The following CROCC2 variants were observed in gnomAD, a reference collection of about 807,000 sequenced individuals.
CROCC2 encodes ciliary rootlet coiled-coil, rootletin family member 2, also known as ciliary rootlet coiled-coil protein 2.
A neutral mutation model predicts 177.6 loss-of-function variants in CROCC2; 163 were observed. That is an observed-to-expected ratio of 0.92 (90% CI 0.81 to 1.05). The LOEUF (loss-of-function observed/expected upper bound fraction) is 1.05. Among genes scored for constraint, CROCC2 ranks in the 50% least tolerant of loss-of-function variants. The probability of loss-of-function intolerance (pLI) is 0.00; values close to 1 mark genes in which losing one functional copy is unlikely to be tolerated. For missense variants in CROCC2, 1,929 were observed against 1,797.8 expected, an observed-to-expected ratio of 1.07 and a Z score of -1.32; for synonymous variants, 904 against 787.3, an observed-to-expected ratio of 1.15 and a Z score of -2.48.
Position 240,930,166 on chromosome 2 carries a change from A to T in CROCC2, c.646A>T (p.Thr216Ser). Residue 216 changes from threonine to serine, a missense_variant and splice_region_variant, in exon 6 of 32, where the codon ACC (threonine) becomes TCC (serine). By Grantham distance (58) the Thr-to-Ser change is moderately conservative. Transcript: ENST00000690015. The part of the protein sequence containing the change: ...LELRRWAQRQ[T>S]RSGGLGQPRD... ...TAGACAGGAGGCCTCTTGCTTTCAG[A>T]CCCGGTCAGGGGGCCTGGGGCAGCC... The T allele has an allele frequency of 1.8e-6, 1 of 543,040 alleles. No homozygotes were observed. Among genetic ancestry groups the T allele is most frequent in the South Asian group, 2.8e-5 (1 of 35,896 alleles). The allele number at this position is 543,040 out of a possible 1,614,324, so 33.6% of individuals were successfully genotyped here. A position where few individuals can be genotyped will look rare whatever the true frequency, so the allele number is the denominator to read the frequency against.
chr2:240,914,912 AC>A (rs1197251694), intron 1 of CROCC2, among the ~76,000 whole-genome samples: 2 of 152,118 alleles, frequency 1.3e-5, no homozygotes, highest in Admixed American at 1.3e-4. Context: ...AAGTCTTCTG[AC>A]CCCTGACAGC....
At chr2:240,959,603 A>G in intron 20 of CROCC2, 159 bp downstream of exon 20, 1 of 969,302 alleles carries the variant, frequency 1.0e-6, no homozygotes, top group Non-Finnish European at 1.5e-6. Context: ...GCAAACAGCC[A>G]TAGGGGCATG....
At chr2:240,986,164 G>A in intron 28 of CROCC2, 2 of 343,428 alleles carry the variant, frequency 5.8e-6, no homozygotes, top group South Asian at 4.3e-5. Flanking sequence ...TGAGTGGAGA[G>A]GGTGGTGCAT....
At chr2:240,907,201 C>T (rs534912502) in intron 1 of CROCC2, among the ~76,000 whole-genome samples, 1 of 152,186 alleles carries the variant, frequency 6.6e-6, no homozygotes, top group East Asian at 2.0e-4. Context: ...GTGGCTCAGC[C>T]CTAGTGTCTA....
At chr2:240,911,884 T>C (rs1035203165) in intron 1 of CROCC2, among the ~76,000 whole-genome samples, 1 of 152,204 alleles carries the variant, frequency 6.6e-6, no homozygotes, top group African/African-American at 2.4e-5. Context: ...TGTTTATTCA[T>C]TCATCTCTGA....
chr2:240,933,452 G>C (rs1409955566), intron 10 of CROCC2, 110 bp downstream of exon 10: 2 of 1,236,412 alleles, frequency 1.6e-6, no homozygotes, highest in Non-Finnish European at 2.2e-6. Context: ...TGCCAGCCGG[G>C]GAGGGGTCCT....
Position 240,934,395 on chromosome 2 carries a change from C to T in CROCC2, c.1711C>T (p.Arg571Trp), listed in dbSNP as rs749120521. ...GCTCAGAGAGGAGCTGGCATCGGTC[C>T]GGGAGGCACTGAGCACAGCACAGCT... Reference protein sequence around the residue: ...SGLREELASVREALSTAQLQR... With the variant: ...SGLREELASVWEALSTAQLQR... The change falls in exon 12 of 32, where the codon CGG becomes TGG. Residue 571 changes from arginine to tryptophan, a missense_variant. By Grantham distance (101) the Arg-to-Trp change is moderately radical. Transcript: ENST00000690015. 36 of 1,548,636 alleles carry T rather than the reference C, an allele frequency of 2.3e-5. No individual in the cohort carries two copies. Among genetic ancestry groups the T allele is most frequent in the Non-Finnish European group, 2.8e-5 (32 of 1,146,912 alleles).
Position 240,934,978 on chromosome 2 carries a change from G to A in CROCC2, c.1854G>A (p.Glu618=). ...LVRRLKSEGV[E]QRDSLAAMAA... is the part of the protein sequence containing the mutation. ...GGCGGCTGAAGTCGGAGGGAGTGGA[G>A]CAAAGGGACTCCCTGGCCGCAATGG... The change falls in exon 13 of 32, where the codon GAG becomes GAA. Residue 618 remains glutamate, a synonymous_variant. Coordinates refer to ENST00000690015, the MANE Select transcript of CROCC2 (RefSeq NM_001351305.2). The A allele has an allele frequency of 6.7e-7, 1 of 1,489,112 alleles. No individual in the cohort carries two copies. The allele number at this position is 1,489,112 out of a possible 1,614,324, so 92.2% of individuals were successfully genotyped here.
intron 27 of CROCC2, among the ~76,000 whole-genome samples, chr2:240,980,976 A>G (rs2059793945): frequency 1.1e-5 from 1 of 89,108 alleles, no homozygotes; most frequent in Non-Finnish European, 2.0e-5. Flanking sequence ...GCTCTGGGGT[A>G]GGAGCCTCAG....
chr2:240,961,268 C>A (rs2059631205), intron 20 of CROCC2, among the ~76,000 whole-genome samples: 1 of 152,016 alleles, frequency 6.6e-6, no homozygotes, highest in African/African-American at 2.4e-5. Flanking sequence ...CGCAGTGAGA[C>A]CACACACACC....
At chr2:240,988,415 T>G (rs1180960154) in intron 28 of CROCC2, among the ~76,000 whole-genome samples, 2 of 151,668 alleles carry the variant, frequency 1.3e-5, no homozygotes, top group Non-Finnish European at 2.9e-5. Context: ...TGAGAAGGGG[T>G]TTGCGGGGTA....
chr2:240,916,923 G>C (rs147961545), intron 1 of CROCC2, among the ~76,000 whole-genome samples: 6 of 152,318 alleles, frequency 3.9e-5, no homozygotes, highest in African/African-American at 1.4e-4. Flanking sequence ...GAATGGCTGA[G>C]CCCCTTCCAG....
rs952903802 is a variant in CROCC2 at position 240,950,332 on chromosome 2, A to G, written c.2653-2A>G. 3 of 1,549,118 alleles carry G rather than the reference A, an allele frequency of 1.9e-6. No individual in the cohort carries two copies. The highest frequency in any genetic ancestry group is 2.6e-6 in the Non-Finnish European group (3 of 1,146,446). On this transcript the variant is annotated splice_acceptor_variant, in intron 17 of 31. Transcript: ENST00000690015. LOFTEE classifies it high-confidence loss of function. ...ACAGCCCATCCCTTTACCTTGGCCCAGGAGACCCTGAGCCTGACCCTGGCA... is the reference window on the plus strand; with the variant it reads ...ACAGCCCATCCCTTTACCTTGGCCCGGGAGACCCTGAGCCTGACCCTGGCA...
At chr2:240,927,295 C>T (rs1030201243) in intron 5 of CROCC2, among the ~76,000 whole-genome samples, 5 of 151,862 alleles carry the variant, frequency 3.3e-5, no homozygotes, top group Admixed American at 6.6e-5. Flanking sequence ...TTGTTTATCC[C>T]GCTTTAGGGT....
rs1229216815 is a variant in CROCC2 at position 240,933,291 on chromosome 2, C to T, written c.1412C>T (p.Ala471Val). ...EREALRGQLEAQRLEVQQCRA... is the reference protein window; with the variant it reads ...EREALRGQLEVQRLEVQQCRA... ...GAGGCTCTTCGGGGCCAGCTGGAGGCCCAGAGGCTCGAGGTGCAGCAGTGC... is the reference window on the plus strand; with the variant it reads ...GAGGCTCTTCGGGGCCAGCTGGAGGTCCAGAGGCTCGAGGTGCAGCAGTGC... Residue 471 changes from alanine (A) to valine (V), a missense_variant, in exon 10 of 32, where the codon GCC becomes GTC. Ala to Val is a moderately conservative substitution (Grantham distance 64). Transcript: ENST00000690015. The T allele has an allele frequency of 5.8e-6, 9 of 1,544,734 alleles. No individual in the cohort carries two copies. Among genetic ancestry groups the T allele is most frequent in the Non-Finnish European group, 7.9e-6 (9 of 1,145,796 alleles).
At chr2:240,914,861 G>C (rs1480744863) in intron 1 of CROCC2, among the ~76,000 whole-genome samples, 1 of 152,212 alleles carries the variant, frequency 6.6e-6, no homozygotes, top group African/African-American at 2.4e-5. Context: ...GACCGTCCCT[G>C]CTTCAGATGG....
At chr2:240,938,476 T>C (rs967173292) in intron 14 of CROCC2, among the ~76,000 whole-genome samples, 1 of 152,250 alleles carries the variant, frequency 6.6e-6, no homozygotes. Context: ...TTTTAGTAAG[T>C]CTTGAAATTG....
intron 13 of CROCC2, 58 bp from the exon 14 acceptor site, chr2:240,935,300 G>C (rs1045730400): frequency 6.1e-6 from 8 of 1,322,174 alleles, no homozygotes; most frequent in Non-Finnish European, 5.8e-6. Context: ...GGGATGGCTG[G>C]CCTACAGGGA....
intron 26 of CROCC2, chr2:240,967,712 C>T (rs1283135452): frequency 6.0e-5 from 26 of 436,972 alleles, no homozygotes; most frequent in South Asian, 9.6e-5. Context: ...CCTCCCGATC[C>T]GGCCCCCAGC....
Sources: allele counts gnomAD v4.1 joint callset (sites outside exome capture counted in the v4.1 genomes callset), GRCh38; gene constraint gnomAD v4.1.1; transcripts MANE v1.5; gene names NCBI Gene and HGNC (gene_info 2026-07-23, HGNC 2026-07-21).